Variants in KCNJ9 observed in about 807,000 individuals in gnomAD.
KCNJ9 encodes potassium inwardly rectifying channel subfamily J member 9.
Under a neutral mutation model 27.9 loss-of-function variants are expected in KCNJ9, and 18 were observed. The observed-to-expected ratio is 0.65, with a 90% CI of 0.45 to 0.96. The LOEUF (loss-of-function observed/expected upper bound fraction) is 0.96. Among genes scored for constraint, KCNJ9 ranks in the 40% least tolerant of loss-of-function variants. The pLI is 0.00. For missense variants in KCNJ9, 324 were observed against 557.5 expected, an observed-to-expected ratio of 0.58 and a Z score of 4.22; for synonymous variants, 229 against 248.2, an observed-to-expected ratio of 0.92 and a Z score of 0.73.
chr1:160,087,430 AGAG>A (rs1649797457), intron 2 of KCNJ9, 53 bp from the exon 3 acceptor site: 1 of 1,538,402 alleles, frequency 6.5e-7, no homozygotes, highest in Admixed American at 1.9e-5. Context: ...TGGAATGAGA[AGAG>A]GAGAGGGAAG....
Position 160,087,638 on chromosome 1 carries a change from G to C in KCNJ9, c.1003G>C (p.Ala335Pro). Residue 335 changes from alanine (A) to proline (P), a missense_variant, in exon 3 of 3, where the codon GCT becomes CCT. This residue lies in a region of KCNJ9 where 241 missense variants were observed against 481.7 expected (regional missense o/e 0.50). Coordinates refer to ENST00000368088, the MANE Select transcript of KCNJ9 (RefSeq NM_004983.3). Reference protein sequence around the residue: ...TFEVPTPSCSARELAEAAARL... With the variant: ...TFEVPTPSCSPRELAEAAARL... ...TGAGGTGCCCACACCTTCGTGCAGT[G>C]CTCGAGAGCTGGCAGAGGCTGCCGC... The C allele has an allele frequency of 6.2e-7, 1 of 1,612,600 alleles. No individual in the cohort carries two copies. The highest frequency in any genetic ancestry group is 8.5e-7 in the Non-Finnish European group (1 of 1,179,380).
intron 1 of KCNJ9, among the ~76,000 whole-genome samples, chr1:160,082,444 TA>T (rs1450339541): frequency 5.3e-5 from 8 of 152,324 alleles, no homozygotes; most frequent in African/African-American, 1.7e-4. Flanking sequence ...GGGGTGCCCC[TA>T]AGCTCAAAGC....
At position 160,084,007 on chromosome 1, in the gene KCNJ9, A is replaced by T. The variant is rs1166104986; in HGVS notation, c.-24A>T. ...CCCCCGCCGCACTCCAGGCGCCCGCAGCGCTCGCCCTGACGCGGCCGCCAT... is the reference window on the plus strand; with the variant it reads ...CCCCCGCCGCACTCCAGGCGCCCGCTGCGCTCGCCCTGACGCGGCCGCCAT... On this transcript the variant is annotated 5_prime_UTR_variant, in exon 2 of 3. Transcript: ENST00000368088. 1.5e-6 allele frequency: 2 copies of T among 1,293,740 alleles called. No individual in the cohort carries two copies. The highest frequency in any genetic ancestry group is 9.7e-7 in the Non-Finnish European group (1 of 1,027,558). The allele number at this position is 1,293,740 out of a possible 1,614,324, so 80.1% of individuals were successfully genotyped here.
rs139077218 is a variant in KCNJ9, at chr1:160,088,070, T to C, written c.*253T>C. On this transcript the variant is annotated 3_prime_UTR_variant, in exon 3 of 3. Coordinates refer to ENST00000368088, the MANE Select transcript of KCNJ9 (RefSeq NM_004983.3). The stretch of plus-strand genomic sequence containing the variant: ...GTCTGTGTTTGACCTTCACATTTGT[T>C]CATGAGTGGATGGATGGACAGAATG... 2.5e-6 allele frequency: 1 copy of C among 404,118 alleles called. No homozygotes were observed. The highest frequency in any genetic ancestry group is 4.4e-6 in the Non-Finnish European group (1 of 229,236). 25.0% of individuals were successfully genotyped at this position (404,118 alleles called of 1,614,324 possible). A position where few individuals can be genotyped will look rare whatever the true frequency, so the allele number is the denominator to read the frequency against.
At chr1:160,081,979 T>TAGA (rs1229441200) in intron 1 of KCNJ9, among the ~76,000 whole-genome samples, 3 of 152,208 alleles carry the variant, frequency 2.0e-5, no homozygotes, top group Non-Finnish European at 4.4e-5. Context: ...GATCTTGAGA[T>TAGA]AGAGGTAACA....
chr1:160,082,352 G>C (rs1649693092), intron 1 of KCNJ9, among the ~76,000 whole-genome samples: 1 of 152,172 alleles, frequency 6.6e-6, no homozygotes. Flanking sequence ...GCCCATTGTT[G>C]GGGGCAGGGG....
rs753112378 is a variant in KCNJ9 at position 160,084,712 on chromosome 1, C to T, written c.682C>T (p.Leu228Phe). 1 of 1,590,612 alleles carries T rather than the reference C, an allele frequency of 6.3e-7. No homozygotes were observed. The highest frequency in any genetic ancestry group is 1.3e-5 in the African/African-American group (1 of 74,472). The stretch of plus-strand genomic sequence containing the variant: ...GTTCATCCCGCTGCACCAGACCGAC[C>T]TCAGCGTGGGCTTCGACACGGGAGA... Reference protein sequence around the residue: ...GEFIPLHQTDLSVGFDTGDDR... With the variant: ...GEFIPLHQTDFSVGFDTGDDR... The change falls in exon 2 of 3, where the codon CTC becomes TTC. Residue 228 changes from leucine (L) to phenylalanine (F), a missense_variant. Coordinates refer to ENST00000368088, the MANE Select transcript of KCNJ9 (RefSeq NM_004983.3).
Position 160,090,328 on chromosome 1 carries a change from A to C in KCNJ9, c.*2511A>C, listed in dbSNP as rs1649875616. ...AACAAGCAGAGAAACTCAGTCTGGAAAGGCCCCTCCTGCCTGCTGAAGTCA... is the reference window on the plus strand; with the variant it reads ...AACAAGCAGAGAAACTCAGTCTGGACAGGCCCCTCCTGCCTGCTGAAGTCA... On this transcript the variant is annotated 3_prime_UTR_variant, in exon 3 of 3. Coordinates refer to ENST00000368088, the MANE Select transcript of KCNJ9 (RefSeq NM_004983.3). 6.6e-6 allele frequency: 1 copy of C among 152,620 alleles called. No individual in the cohort carries two copies. The highest frequency in any genetic ancestry group is 1.5e-5 in the Non-Finnish European group (1 of 68,316). 9.5% of individuals were successfully genotyped at this position (152,620 alleles called of 1,614,324 possible).
chr1:160,082,923 G>A (rs1464690678), intron 1 of KCNJ9, among the ~76,000 whole-genome samples: 1 of 152,064 alleles, frequency 6.6e-6, no homozygotes, highest in Non-Finnish European at 1.5e-5. Flanking sequence ...TGTGGGCTTT[G>A]GGGCATATGG....
Position 160,087,701 on chromosome 1 carries a change from C to T in KCNJ9, c.1066C>T (p.Arg356Trp), listed in dbSNP as rs1346923653. Residue 356 changes from arginine (R) to tryptophan (W), a missense_variant, in exon 3 of 3, where the codon CGG becomes TGG. Transcript: ENST00000368088. ...DAHLYWSIPS[R>W]LDEKVEEEGA... is the part of the protein sequence containing the mutation. Reference sequence around the variant, plus strand: ...CCATCTCTACTGGTCCATCCCCAGCCGGCTGGATGAGAAGGTGGAGGAGGA... The same window carrying T: ...CCATCTCTACTGGTCCATCCCCAGCTGGCTGGATGAGAAGGTGGAGGAGGA... 7.9e-6 allele frequency: 10 copies of T among 1,265,348 alleles called. No homozygotes were observed. Among genetic ancestry groups the T allele is most frequent in the Admixed American group, 2.7e-5 (1 of 36,396 alleles). 78.4% of individuals were successfully genotyped at this position (1,265,348 alleles called of 1,614,324 possible).
chr1:160,084,373 A>G lies in KCNJ9; in HGVS notation c.343A>G (p.Ile115Val). 1 of 1,613,552 alleles carries G rather than the reference A, an allele frequency of 6.2e-7. No individual in the cohort carries two copies. The change falls in exon 2 of 3, where the codon ATC becomes GTC. Residue 115 changes from isoleucine (I) to valine (V), a missense_variant. This residue lies in a region of KCNJ9 where 241 missense variants were observed against 481.7 expected (regional missense o/e 0.50). Transcript: ENST00000368088. ...NGFVAAFLFS[I>V]ETETTIGYGH... Reference sequence around the variant, plus strand: ...CTTCGTGGCCGCCTTCCTCTTCTCCATCGAGACCGAGACCACCATCGGCTA... The same window carrying G: ...CTTCGTGGCCGCCTTCCTCTTCTCCGTCGAGACCGAGACCACCATCGGCTA...
chr1:160,087,812 G>T lies in KCNJ9; in HGVS notation c.1177G>T (p.Val393Leu). The T allele has an allele frequency of 6.7e-7, 1 of 1,491,778 alleles. No homozygotes were observed. The highest frequency in any genetic ancestry group is 8.9e-7 in the Non-Finnish European group (1 of 1,122,464). 92.4% of individuals were successfully genotyped at this position (1,491,778 alleles called of 1,614,324 possible). Residue 393 changes from valine (V) to leucine (L), a missense_variant, in exon 3 of 3, where the codon GTG becomes TTG. Around this residue, in one of 3 missense-constraint regions of KCNJ9, gnomAD observed 51 missense variants for 44.1 expected, o/e 1.16. Transcript: ENST00000368088. ...GCCACCCCCAGAGAGTGAGTCCAAGGTGTGACCAGCTTCCTCCAGACCCCT... is the reference window on the plus strand; with the variant it reads ...GCCACCCCCAGAGAGTGAGTCCAAGTTGTGACCAGCTTCCTCCAGACCCCT... ...CLPPPESESK[V>L]
At position 160,084,885 on chromosome 1, in the gene KCNJ9, G is replaced by C. The variant is rs1427093376; in HGVS notation, c.850+5G>C. ...AGGGCATGGTGGAAGCCACGGGTGCGAGCAGGCCTGGGGAGGGGAGCGGGG... is the reference window on the plus strand; with the variant it reads ...AGGGCATGGTGGAAGCCACGGGTGCCAGCAGGCCTGGGGAGGGGAGCGGGG... On this transcript the variant is annotated splice_donor_5th_base_variant and intron_variant, in intron 2 of 2. Coordinates refer to ENST00000368088, the MANE Select transcript of KCNJ9 (RefSeq NM_004983.3). 5 of 1,521,908 alleles carry C rather than the reference G, an allele frequency of 3.3e-6. No individual in the cohort carries two copies. The East Asian group carries it at 1.2e-4, about 38-fold the overall frequency. 94.3% of individuals were successfully genotyped at this position (1,521,908 alleles called of 1,614,324 possible).
Position 160,089,961 on chromosome 1 carries a change from A to G in KCNJ9, c.*2144A>G, listed in dbSNP as rs999342760. ...TCCTATGGGGCACAGCCAGGGTCCT[A>G]TGGGCATAGCCAGGGCCCTATGGGT... is the stretch of plus-strand genomic sequence containing the variant. On this transcript the variant is annotated 3_prime_UTR_variant, in exon 3 of 3. Transcript: ENST00000368088. 5 of 152,252 alleles carry G rather than the reference A, an allele frequency of 3.3e-5. No individual in the cohort carries two copies. The highest frequency in any genetic ancestry group is 1.2e-4 in the African/African-American group (5 of 41,422). The allele number at this position is 152,252 out of a possible 1,614,324, so 9.4% of individuals were successfully genotyped here.
chr1:160,083,768 C>G (rs1002463545), intron 1 of KCNJ9, 149 bp from the exon 2 acceptor site: 5 of 255,764 alleles, frequency 2.0e-5, no homozygotes, highest in African/African-American at 4.5e-5. Context: ...GCCTGGGGGG[C>G]AGTTAGGGCT....
Position 160,084,345 on chromosome 1 carries a change from C to T in KCNJ9, c.315C>T (p.Asn105=). 1 of 1,613,674 alleles carries T rather than the reference C, an allele frequency of 6.2e-7. No individual in the cohort carries two copies. Among genetic ancestry groups the T allele is most frequent in the Non-Finnish European group, 8.5e-7 (1 of 1,179,968 alleles). The part of the protein sequence containing the change: ...TAWTPCVNNL[N]GFVAAFLFSI... Reference sequence around the variant, plus strand: ...GGACGCCGTGCGTCAACAACCTCAACGGCTTCGTGGCCGCCTTCCTCTTCT... The same window carrying T: ...GGACGCCGTGCGTCAACAACCTCAATGGCTTCGTGGCCGCCTTCCTCTTCT... The change falls in exon 2 of 3, where the codon AAC becomes AAT. Residue 105 remains asparagine (N), a synonymous_variant. Transcript: ENST00000368088.
Position 160,084,156 on chromosome 1 carries a change from C to T in KCNJ9, c.126C>T (p.Tyr42=), listed in dbSNP as rs755664827. ...NVQQGNVRET[Y]RYLTDLFTTL... is the part of the protein sequence containing the mutation. ...AGCAGGGCAACGTGCGCGAGACATA[C>T]CGCTACCTGACGGACCTGTTCACCA... Residue 42 remains tyrosine, a synonymous_variant, in exon 2 of 3, where the codon TAC becomes TAT. Coordinates refer to ENST00000368088, the MANE Select transcript of KCNJ9 (RefSeq NM_004983.3). 3.8e-6 allele frequency: 6 copies of T among 1,593,336 alleles called. No homozygotes were observed. In the East Asian group the frequency reaches 1.4e-4, roughly 36 times the overall value.
At chr1:160,081,808 A>C (rs1206145313) in intron 1 of KCNJ9, 111 bp downstream of exon 1, 1 of 152,178 alleles carries the variant, frequency 6.6e-6, no homozygotes, top group East Asian at 1.9e-4. Flanking sequence ...TCCTTCCAAA[A>C]AATGAGCCCC....
At chr1:160,085,743 AGAG>A (rs1649766131) in intron 2 of KCNJ9, among the ~76,000 whole-genome samples, 1 of 152,236 alleles carries the variant, frequency 6.6e-6, no homozygotes, top group Admixed American at 6.5e-5. Context: ...CTTGAGATCT[AGAG>A]GATAGATGAG....
Sources: gnomAD v4.1 joint callset for allele counts (sites outside exome capture counted in the v4.1 genomes callset) on GRCh38, gnomAD v4.1.1 for gene constraint, gnomAD v4.1.1 regional missense constraint, MANE v1.5 for transcripts, NCBI Gene and HGNC (gene_info 2026-07-23, HGNC 2026-07-21) for gene names.